HS3ST2: variants seen among roughly 807,000 people sequenced by gnomAD.
HS3ST2 encodes heparan sulfate-glucosamine 3-sulfotransferase 2, also known as heparan sulfate glucosamine 3-O-sulfotransferase 2.
HS3ST2 carries 17 observed loss-of-function variants against 26.3 expected under a neutral mutation model. That is an observed-to-expected ratio of 0.65 (90% CI 0.44 to 0.97). HS3ST2 has a LOEUF of 0.97. Among genes scored for constraint, HS3ST2 ranks in the 50% least tolerant of loss-of-function variants. The pLI, the probability that HS3ST2 is intolerant of heterozygous loss-of-function variation, is 0.00. For missense variants in HS3ST2, 402 were observed against 501.2 expected (o/e 0.80, Z 1.89); for synonymous variants, 237 against 219.2 (o/e 1.08, Z -0.72).
At chr16:22,872,693 G>A (rs1331892176) in intron 1 of HS3ST2, among the ~76,000 whole-genome samples, 2 of 152,110 alleles carry the variant, frequency 1.3e-5, no homozygotes, top group Non-Finnish European at 2.9e-5. Flanking sequence ...GTGGACCGCT[G>A]GGTGATGGAC....
chr16:22,863,461 G>T (rs1901707042), intron 1 of HS3ST2, among the ~76,000 whole-genome samples: 1 of 152,138 alleles, frequency 6.6e-6, no homozygotes, highest in African/African-American at 2.4e-5. Context: ...GATTCAGGAG[G>T]TGCACGTACA....
chr16:22,824,437 C>G (rs757619881), intron 1 of HS3ST2, among the ~76,000 whole-genome samples: 3 of 152,150 alleles, frequency 2.0e-5, no homozygotes, highest in Non-Finnish European at 2.9e-5. Context: ...GTCCCAGCTA[C>G]TCAGGAGGCT....
intron 1 of HS3ST2, among the ~76,000 whole-genome samples, chr16:22,907,350 C>T (rs1567501712): frequency 6.6e-6 from 1 of 152,162 alleles, no homozygotes; most frequent in East Asian, 1.9e-4. Flanking sequence ...ATTGGATTTG[C>T]TCCAGAAAGC....
rs35409090 is a variant in HS3ST2 at position 22,901,897 on chromosome 16, G to GT, written c.486-13039dup. ...TTTAAAAATAGCTTTTCATTAGATAGTTTTTTTTAAATGACAAAAAATACA... is the reference window on the plus strand; with the variant it reads ...TTTAAAAATAGCTTTTCATTAGATAGTTTTTTTTTAAATGACAAAAAATACA... On this transcript the variant is annotated intron_variant, in intron 1 of 1. Transcript: ENST00000261374. Among the ~76,000 whole-genome samples, 602 of 151,954 alleles carry GT rather than the reference G, an allele frequency of 4.0e-3. 9 individuals carry two copies. Among genetic ancestry groups the GT allele is most frequent in the Admixed American group, 0.021 (318 of 15,256 alleles).
rs989411539 is a variant in HS3ST2 at position 22,820,580 on chromosome 16, C to T, written c.485+5485C>T. On this transcript the variant is annotated intron_variant, in intron 1 of 1. Coordinates refer to ENST00000261374, the MANE Select transcript of HS3ST2 (RefSeq NM_006043.2). ...GAGAGCCAAGCAAAAGGGGAAACTC[C>T]GTAAAAAGCCATCAGATTTCGTGAG... Among the ~76,000 whole-genome samples the T allele has an allele frequency of 8.5e-5, 13 of 152,342 alleles. No individual in the cohort carries two copies. The East Asian group carries it at 1.5e-3, about 18-fold the overall frequency.
At chr16:22,830,326 GT>G (rs1157350518) in intron 1 of HS3ST2, among the ~76,000 whole-genome samples, 10 of 152,194 alleles carry the variant, frequency 6.6e-5, no homozygotes, top group African/African-American at 2.2e-4. Context: ...CAGAATGTGA[GT>G]GCCTTTCTCA....
chr16:22,888,383 T>TTTCTTTTTTTTC (rs1228176057), intron 1 of HS3ST2, among the ~76,000 whole-genome samples: 5 of 102,502 alleles, frequency 4.9e-5, no homozygotes, highest in East Asian at 3.7e-4. Context: ...CTTTTTTTTT[T>TTTCTTTTTTTTC]TTTTTTTTTC....
intron 1 of HS3ST2, among the ~76,000 whole-genome samples, chr16:22,862,275 CTTTTTTTTT>C (rs397855284): frequency 8.1e-6 from 1 of 123,254 alleles, no homozygotes; most frequent in Non-Finnish European, 1.7e-5. Context: ...TTCTCCTCAG[CTTTTTTTTT>C]TTTTTTTTTT....
At chr16:22,906,101 G>A (rs566574344) in intron 1 of HS3ST2, among the ~76,000 whole-genome samples, 65 of 152,240 alleles carry the variant, frequency 4.3e-4, no homozygotes, top group Non-Finnish European at 7.2e-4. Flanking sequence ...AGCCGGGCAC[G>A]GTGGCTCATG....
At chr16:22,896,767 C>CTTTCTTTCTTTTGT in intron 1 of HS3ST2, among the ~76,000 whole-genome samples, 1 of 152,142 alleles carries the variant, frequency 6.6e-6, no homozygotes, top group East Asian at 1.9e-4. Flanking sequence ...TGTCTTTTCT[C>CTTTCTTTCTTTTGT]TTTCTTTCTT....
intron 1 of HS3ST2, among the ~76,000 whole-genome samples, chr16:22,842,889 C>T (rs1901378616): frequency 6.6e-6 from 1 of 152,136 alleles, no homozygotes; most frequent in Admixed American, 6.5e-5. Flanking sequence ...GAGCTTTTGC[C>T]AAAACTGGGA....
rs1015336845 is a variant in HS3ST2, at chr16:22,909,144, A to G, written c.486-5800A>G. On this transcript the variant is annotated intron_variant, in intron 1 of 1. Transcript: ENST00000261374. ...GTCTTTGTAACACAATTGGTTCCTA[A>G]TAGCCTAACTTTGGACATGCATCCC... Among the ~76,000 whole-genome samples, 3 of 152,192 alleles carry G rather than the reference A, an allele frequency of 2.0e-5. No individual in the cohort carries two copies. The South Asian group carries it at 6.2e-4, about 32-fold the overall frequency.
rs773697928 is a variant in HS3ST2, at chr16:22,915,317, C to T, written c.859C>T (p.Arg287Ter). 5 of 1,613,848 alleles carry T rather than the reference C, an allele frequency of 3.1e-6. No individual in the cohort carries two copies. In the South Asian group the frequency reaches 3.3e-5, roughly 11 times the overall value. The change falls in exon 2 of 2, where the codon CGA (arginine) becomes TGA (stop). Residue 287 changes from arginine to a stop codon, truncating the protein, a stop_gained. Transcript: ENST00000261374. LOFTEE classifies it high-confidence loss of function. The part of the protein sequence containing the change: ...LITDPAGEMG[R>*]VQDFLGIKRF... ...CACTGACCCGGCCGGCGAGATGGGG[C>T]GAGTCCAGGACTTCCTGGGCATTAA...
intron 1 of HS3ST2, among the ~76,000 whole-genome samples, chr16:22,844,547 G>C (rs1239321359): frequency 6.6e-6 from 1 of 152,148 alleles, no homozygotes; most frequent in Non-Finnish European, 1.5e-5. Context: ...GAAACCTCAT[G>C]TTGAATTGTA....
chr16:22,890,863 A>C (rs1236511075), intron 1 of HS3ST2, among the ~76,000 whole-genome samples: 1 of 152,198 alleles, frequency 6.6e-6, no homozygotes, highest in Non-Finnish European at 1.5e-5. Flanking sequence ...CTTTCCATGG[A>C]TTAAGTAAAA....
chr16:22,855,722 C>CTCTCTCTCTCTCTCTT, intron 1 of HS3ST2, among the ~76,000 whole-genome samples: 1 of 151,852 alleles, frequency 6.6e-6, no homozygotes, highest in East Asian at 1.9e-4. Context: ...CTCTCTCTCT[C>CTCTCTCTCTCTCTCTT]TCTCTCTTTC....
intron 1 of HS3ST2, among the ~76,000 whole-genome samples, chr16:22,878,175 G>A (rs1381347854): frequency 6.6e-6 from 1 of 152,220 alleles, no homozygotes; most frequent in Non-Finnish European, 1.5e-5. Context: ...TGTACATTAT[G>A]ATGTCTTAAA....
At chr16:22,890,657 A>T (rs1902115446) in intron 1 of HS3ST2, among the ~76,000 whole-genome samples, 1 of 152,222 alleles carries the variant, frequency 6.6e-6, no homozygotes, top group South Asian at 2.1e-4. Flanking sequence ...TAAGCACCAC[A>T]ATTTGACCCA....
At chr16:22,874,674 A>G (rs1175889717) in intron 1 of HS3ST2, among the ~76,000 whole-genome samples, 1 of 152,210 alleles carries the variant, frequency 6.6e-6, no homozygotes, top group Non-Finnish European at 1.5e-5. Flanking sequence ...CTGGGGCTGG[A>G]ACCTGTTACA....
Sources: allele counts gnomAD v4.1 joint callset (sites outside exome capture counted in the v4.1 genomes callset), GRCh38; gene constraint gnomAD v4.1.1; transcripts MANE v1.5; gene names NCBI Gene and HGNC (gene_info 2026-07-23, HGNC 2026-07-21).